The following DOCK1 variants were observed in gnomAD, a reference collection of about 807,000 sequenced individuals.
DOCK1 encodes dedicator of cytokinesis protein 1.
Under a neutral mutation model 262.7 loss-of-function variants are expected in DOCK1, and 138 were observed. The ratio of observed to expected loss-of-function variants is 0.53; its 90% CI spans 0.46 to 0.61. The LOEUF is 0.61. DOCK1 is among the 20% of genes least tolerant of loss of function. The probability of loss-of-function intolerance (pLI) is 0.00; values close to 1 mark genes in which losing one functional copy is unlikely to be tolerated. For synonymous variants in DOCK1, 866 were observed against 867.4 expected (o/e 1.00, Z 0.03); for missense variants, 1,908 against 2,370.7 (o/e 0.80, Z 4.05).
At chr10:127,319,893 G>T (rs758415586) in intron 29 of DOCK1, among the ~76,000 whole-genome samples, 1 of 152,204 alleles carries the variant, frequency 6.6e-6, no homozygotes, top group Non-Finnish European at 1.5e-5. Flanking sequence ...GATGGGCAGA[G>T]GGCGAGGGCA....
chr10:127,305,663 T>A (rs2061847264), intron 29 of DOCK1, among the ~76,000 whole-genome samples: 1 of 152,090 alleles, frequency 6.6e-6, no homozygotes, highest in South Asian at 2.1e-4. Context: ...TCAACACAGA[T>A]CCTCAGGAAC....
At chr10:127,110,222 TA>T in intron 24 of DOCK1, 25 bp from the exon 25 acceptor site, 1 of 1,584,352 alleles carries the variant, frequency 6.3e-7, no homozygotes. Context: ...GTCTCAAAAT[TA>T]TTTCCCTTGT....
chr10:127,285,590 G>A (rs2061121097), intron 29 of DOCK1, among the ~76,000 whole-genome samples: 1 of 152,204 alleles, frequency 6.6e-6, no homozygotes, highest in Admixed American at 6.5e-5. Flanking sequence ...CCGTGCTGAG[G>A]ACCCTAGATG....
intron 29 of DOCK1, among the ~76,000 whole-genome samples, chr10:127,260,552 C>T (rs1203400737): frequency 6.6e-6 from 1 of 152,154 alleles, no homozygotes; most frequent in African/African-American, 2.4e-5. Context: ...TGGGAGCTTC[C>T]TGCAGAGAAG....
At chr10:127,149,151 C>T (rs991473438) in intron 27 of DOCK1, among the ~76,000 whole-genome samples, 33 of 152,116 alleles carry the variant, frequency 2.2e-4, no homozygotes, top group African/African-American at 7.7e-4. Flanking sequence ...TAGTTACATC[C>T]CTTGCATAAT....
intron 27 of DOCK1, among the ~76,000 whole-genome samples, chr10:127,193,501 G>A (rs924209040): frequency 6.6e-5 from 10 of 152,172 alleles, no homozygotes; most frequent in Admixed American, 1.3e-4. Context: ...TCTCTGAGAA[G>A]CATAAGTCAC....
At chr10:127,248,236 A>C (rs2059498694) in intron 28 of DOCK1, 127 bp downstream of exon 28, 13 of 862,484 alleles carry the variant, frequency 1.5e-5, no homozygotes, top group Non-Finnish European at 2.2e-5. Flanking sequence ...ATTGATTTCA[A>C]ATGCCTCCTG....
intron 27 of DOCK1, among the ~76,000 whole-genome samples, chr10:127,239,716 A>G (rs544062590): frequency 6.6e-6 from 1 of 152,250 alleles, no homozygotes; most frequent in African/African-American, 2.4e-5. Context: ...CAGATCCTCT[A>G]TATCATGCGA....
At chr10:127,281,551 G>A (rs559327169) in intron 29 of DOCK1, among the ~76,000 whole-genome samples, 1 of 152,300 alleles carries the variant, frequency 6.6e-6, no homozygotes, top group South Asian at 2.1e-4. Context: ...TGGGTCACAA[G>A]TGCTGCACAC....
chr10:127,292,880 C>A (rs182624272), intron 29 of DOCK1, among the ~76,000 whole-genome samples: 49 of 152,224 alleles, frequency 3.2e-4, no homozygotes, highest in African/African-American at 1.1e-3. Flanking sequence ...ATTTCATGTC[C>A]TGTCTCCTGA....
chr10:127,276,584 A>C (rs1027514972), intron 29 of DOCK1, among the ~76,000 whole-genome samples: 1 of 152,130 alleles, frequency 6.6e-6, no homozygotes, highest in Admixed American at 6.6e-5. Context: ...GACACTGGTG[A>C]CACGGACATT....
intron 29 of DOCK1, among the ~76,000 whole-genome samples, chr10:127,299,486 C>T (rs555669355): frequency 2.6e-5 from 4 of 152,226 alleles, no homozygotes; most frequent in South Asian, 2.1e-4. Context: ...GCTGTGTGAC[C>T]GTGGAGGTGG....
intron 4 of DOCK1, among the ~76,000 whole-genome samples, chr10:126,986,848 T>A (rs2039433185): frequency 6.6e-6 from 1 of 152,136 alleles, no homozygotes; most frequent in African/African-American, 2.4e-5. Context: ...AGGCAGAGAT[T>A]GCAGTGAGCC....
intron 28 of DOCK1, 125 bp downstream of exon 28, chr10:127,248,234 C>T: frequency 2.3e-6 from 2 of 861,414 alleles, no homozygotes; most frequent in Admixed American, 2.5e-5. Context: ...TGATTGATTT[C>T]AAATGCCTCC....
At chr10:127,350,422 G>T (rs1165005718) in intron 31 of DOCK1, among the ~76,000 whole-genome samples, 4 of 151,990 alleles carry the variant, frequency 2.6e-5, no homozygotes, top group Non-Finnish European at 2.9e-5. Flanking sequence ...TGGTCCTCCT[G>T]CCCAGAATGC....
rs1373045115 is a variant in DOCK1 at position 126,977,949 on chromosome 10, G to C, written c.132G>C (p.Gly44=). The change falls in exon 3 of 52, where the codon GGG becomes GGC. Residue 44 remains glycine (G), a splice_region_variant and synonymous_variant. Transcript: ENST00000623213. ...DTVHILETYE[G]WYRGYTLRKK... is the part of the protein sequence containing the mutation. ...TGTTTCAACTTTGTGTTTGTTTAGG[G>C]TGGTACCGAGGTTACACGTTACGAA... is the stretch of plus-strand genomic sequence containing the variant. 1.9e-6 allele frequency: 3 copies of C among 1,613,786 alleles called. No homozygotes were observed. Among genetic ancestry groups the C allele is most frequent in the Non-Finnish European group, 2.5e-6 (3 of 1,179,858 alleles).
Position 127,260,926 on chromosome 10 carries a change from GGT to G in DOCK1, c.3044+3508_3044+3509del, listed in dbSNP as rs1359958810. On this transcript the variant is annotated intron_variant, in intron 29 of 51. Coordinates refer to ENST00000623213, the MANE Select transcript of DOCK1 (RefSeq NM_001290223.2). ...GTGTACCTGCACGTGTGTGCATGTG[GGT>G]GTGTGTGTGTACCCGTGCTCATCTG... Among the ~76,000 whole-genome samples, 811 of 95,714 alleles carry G rather than the reference GGT, an allele frequency of 8.5e-3. 10 individuals carry two copies. Among genetic ancestry groups the G allele is most frequent in the Middle Eastern group, 0.029 (3 of 102 alleles). The allele number at this position is 95,714 out of a possible 152,430, so 62.8% of individuals were successfully genotyped here.
At chr10:127,076,100 G>T (rs2046518523) in intron 23 of DOCK1, among the ~76,000 whole-genome samples, 1 of 152,152 alleles carries the variant, frequency 6.6e-6, no homozygotes, top group Non-Finnish European at 1.5e-5. Context: ...ACACAGAGGG[G>T]TGCAAAGGTT....
chr10:126,914,403 T>C (rs1195325116), intron 1 of DOCK1, among the ~76,000 whole-genome samples: 2 of 152,112 alleles, frequency 1.3e-5, no homozygotes, highest in African/African-American at 4.8e-5. Flanking sequence ...TAAATTTTAT[T>C]TTATTTATTT....
Sources: allele counts gnomAD v4.1 joint callset (sites outside exome capture counted in the v4.1 genomes callset), GRCh38; gene constraint gnomAD v4.1.1; transcripts MANE v1.5; gene names NCBI Gene and HGNC (gene_info 2026-07-23, HGNC 2026-07-21).